CTNNA3: variants seen among roughly 807,000 people sequenced by gnomAD.
The protein encoded by CTNNA3 is catenin alpha 3.
CTNNA3 carries 76 observed loss-of-function variants against 95.7 expected under a neutral mutation model. The observed-to-expected ratio is 0.79, with a 90% confidence interval of 0.66 to 0.96. The LOEUF is 0.96. Among genes scored for constraint, CTNNA3 ranks in the 40% least tolerant of loss-of-function variants. The pLI is 0.00. For missense variants in CTNNA3, 1,191 were observed against 1,089.8 expected, an observed-to-expected ratio of 1.09 and a Z score of -1.31; for synonymous variants, 431 against 374.4, an observed-to-expected ratio of 1.15 and a Z score of -1.74.
At chr10:67,142,340 A>C (rs531906952) in intron 7 of CTNNA3, among the ~76,000 whole-genome samples, 1 of 152,056 alleles carries the variant, frequency 6.6e-6, no homozygotes, top group Admixed American at 6.5e-5. Context: ...CCAAAAAAAA[A>C]ATTTTTTTAA....
At chr10:66,901,736 T>G (rs1156486608) in intron 7 of CTNNA3, among the ~76,000 whole-genome samples, 2 of 152,152 alleles carry the variant, frequency 1.3e-5, no homozygotes, top group Non-Finnish European at 2.9e-5. Context: ...TCCTAGTCTC[T>G]GATAAAACAG....
Position 66,319,450 on chromosome 10 carries a change from G to C in CTNNA3, c.1733-38829C>G, listed in dbSNP as rs77778021. Among the ~76,000 whole-genome samples, 14 of 152,222 alleles carry C rather than the reference G, an allele frequency of 9.2e-5. No homozygotes were observed. The East Asian group carries it at 1.9e-3, about 21-fold the overall frequency. ...CAGTAAGATGTACGTAGAAGTCCTT[G>C]GGTAGAAATGCAGAGAAAAGCTCTT... On this transcript the variant is annotated intron_variant, in intron 12 of 17. Coordinates refer to ENST00000433211, the MANE Select transcript of CTNNA3 (RefSeq NM_013266.4).
rs925382302 is a variant in CTNNA3 at position 67,316,046 on chromosome 10, T to G, written c.580-96176A>C. The stretch of plus-strand genomic sequence containing the variant: ...GTTTATTCTTTTTGAATAGTGATAA[T>G]GGGATTTGTAAATCGGCTATATCAT... On this transcript the variant is annotated intron_variant, in intron 5 of 17. Coordinates refer to ENST00000433211, the MANE Select transcript of CTNNA3 (RefSeq NM_013266.4). Among the ~76,000 whole-genome samples, 3 of 152,208 alleles carry G rather than the reference T, an allele frequency of 2.0e-5. No homozygotes were observed. In the East Asian group the frequency reaches 5.8e-4, roughly 29 times the overall value.
intron 4 of CTNNA3, 79 bp downstream of exon 4, chr10:67,539,424 C>A (rs1589403877): frequency 6.7e-7 from 1 of 1,500,564 alleles, no homozygotes; most frequent in East Asian, 2.3e-5. Flanking sequence ...CCAAGATGCA[C>A]TAGGATCGAC....
At chr10:67,295,944 C>T (rs1159280154) in intron 5 of CTNNA3, among the ~76,000 whole-genome samples, 9 of 152,154 alleles carry the variant, frequency 5.9e-5, no homozygotes, top group African/African-American at 9.7e-5. Context: ...CCACTACCTA[C>T]GGATGCTCAG....
chr10:66,488,311 G>A (rs1436046164), intron 11 of CTNNA3, among the ~76,000 whole-genome samples: 1 of 152,110 alleles, frequency 6.6e-6, no homozygotes, highest in Non-Finnish European at 1.5e-5. Flanking sequence ...CATGGACATA[G>A]ATGAGTTAGA....
intron 13 of CTNNA3, among the ~76,000 whole-genome samples, chr10:66,211,362 T>C (rs924915157): frequency 1.3e-5 from 2 of 152,166 alleles, no homozygotes; most frequent in Non-Finnish European, 2.9e-5. Context: ...ACAGCAGATA[T>C]GGGCAGCATC....
rs1392380322 is a variant in CTNNA3 at position 66,307,740 on chromosome 10, C to T, written c.1733-27119G>A. Among the ~76,000 whole-genome samples, 5 of 152,192 alleles carry T rather than the reference C, an allele frequency of 3.3e-5. No homozygotes were observed. In the South Asian group the frequency reaches 1.0e-3, roughly 31 times the overall value. ...TTTATTGATCTAAAGACTTAAGTTT[C>T]ATTTTTAGTTTATTTCCTGATAATT... On this transcript the variant is annotated intron_variant, in intron 12 of 17. Transcript: ENST00000433211.
At chr10:66,645,380 T>C (rs536139509) in intron 9 of CTNNA3, among the ~76,000 whole-genome samples, 28 of 152,224 alleles carry the variant, frequency 1.8e-4, no homozygotes, top group Non-Finnish European at 2.9e-4. Context: ...TTGAGTTTAT[T>C]TTTGTGTACA....
intron 5 of CTNNA3, among the ~76,000 whole-genome samples, chr10:67,376,591 G>A (rs985333201): frequency 2.0e-5 from 3 of 152,138 alleles, no homozygotes; most frequent in African/African-American, 7.2e-5. Flanking sequence ...TTTAAAAAGT[G>A]GTGCTTTCTT....
chr10:65,973,199 C>A (rs1371472908), intron 16 of CTNNA3, among the ~76,000 whole-genome samples: 2 of 152,120 alleles, frequency 1.3e-5, no homozygotes, highest in Non-Finnish European at 2.9e-5. Flanking sequence ...GAAAAATTAA[C>A]TCAACATGAA....
intron 11 of CTNNA3, among the ~76,000 whole-genome samples, chr10:66,516,605 A>C (rs1840867804): frequency 6.6e-6 from 1 of 152,202 alleles, no homozygotes; most frequent in African/African-American, 2.4e-5. Context: ...AAATAAACAA[A>C]TGCTACAAAT....
intron 13 of CTNNA3, among the ~76,000 whole-genome samples, chr10:66,134,051 T>C (rs958984092): frequency 4.6e-5 from 7 of 152,076 alleles, no homozygotes; most frequent in Non-Finnish European, 7.4e-5. Context: ...ATTAATTGAA[T>C]GACAAAAACA....
chr10:66,803,865 T>C (rs569910905), intron 7 of CTNNA3, among the ~76,000 whole-genome samples: 6 of 152,174 alleles, frequency 3.9e-5, no homozygotes, highest in South Asian at 2.1e-4. Flanking sequence ...AAAATAGGCA[T>C]GAATAATGAT....
At chr10:66,656,849 T>G (rs1329605577) in intron 9 of CTNNA3, among the ~76,000 whole-genome samples, 1 of 152,016 alleles carries the variant, frequency 6.6e-6, no homozygotes, top group Non-Finnish European at 1.5e-5. Context: ...TTTGTTTTTG[T>G]TTTTTGCAAT....
intron 7 of CTNNA3, among the ~76,000 whole-genome samples, chr10:66,878,964 T>G (rs1844739039): frequency 6.6e-6 from 1 of 152,194 alleles, no homozygotes; most frequent in Non-Finnish European, 1.5e-5. Flanking sequence ...AATTAACTAT[T>G]TTTGAGCAAT....
intron 5 of CTNNA3, among the ~76,000 whole-genome samples, chr10:67,258,062 C>G (rs578204235): frequency 3.3e-4 from 50 of 152,256 alleles, no homozygotes; most frequent in Non-Finnish European, 6.0e-4. Flanking sequence ...AGGATAAGTC[C>G]TTTCCTTGTT....
At chr10:66,668,756 G>T (rs184358426) in intron 9 of CTNNA3, among the ~76,000 whole-genome samples, 8 of 152,090 alleles carry the variant, frequency 5.3e-5, no homozygotes, top group Non-Finnish European at 8.8e-5. Context: ...AGGTTGCAGT[G>T]AGCTGAGATG....
chr10:67,252,232 A>C (rs557707453), intron 5 of CTNNA3, among the ~76,000 whole-genome samples: 2 of 151,704 alleles, frequency 1.3e-5, no homozygotes, highest in Non-Finnish European at 2.9e-5. Context: ...AAAAAAAAAA[A>C]AAAAGACCTA....
Sources: gnomAD v4.1 joint callset for allele counts (sites outside exome capture counted in the v4.1 genomes callset) on GRCh38, gnomAD v4.1.1 for gene constraint, MANE v1.5 for transcripts, NCBI Gene and HGNC (gene_info 2026-07-23, HGNC 2026-07-21) for gene names.